Variants in TBL1X observed in about 807,000 individuals in gnomAD.
The protein encoded by TBL1X is transducin beta like 1 X-linked, also known as F-box-like/WD repeat-containing protein TBL1X.
Under a neutral mutation model 50.7 loss-of-function variants are expected in TBL1X, and 10 were observed. The observed-to-expected ratio is 0.20, with a 90% CI of 0.12 to 0.33. The LOEUF (loss-of-function observed/expected upper bound fraction) is 0.33, where lower values mean the gene tolerates loss of function less well. TBL1X is among the 10% of genes least tolerant of loss of function. The pLI is 1.00. For missense variants in TBL1X, 340 were observed against 504.4 expected (o/e 0.67, Z 3.12); for synonymous variants, 190 against 214.7 (o/e 0.88, Z 1.01).
At chrX:9,527,446 G>A (rs1188339692) in intron 2 of TBL1X, among the ~76,000 whole-genome samples, 2 of 110,672 alleles carry the variant, frequency 1.8e-5, no homozygotes, top group Admixed American at 1.9e-4. Context: ...CTAAATGTGC[G>A]TTAAAAAAAA....
At chrX:9,607,665 C>T (rs189079403) in intron 2 of TBL1X, among the ~76,000 whole-genome samples, 1 of 112,955 alleles carries the variant, frequency 8.9e-6, no homozygotes, top group East Asian at 2.8e-4. Context: ...GGAGAGTTCT[C>T]ACCTTCCCTG....
chrX:9,532,427 C>T (rs1227610073), intron 2 of TBL1X, among the ~76,000 whole-genome samples: 1 of 111,700 alleles, frequency 9.0e-6, no homozygotes, highest in Non-Finnish European at 1.9e-5. Context: ...AGGGTTGGGA[C>T]GTAGCGGTTA....
chrX:9,529,026 CTGAT>C (rs1344131049), intron 2 of TBL1X, among the ~76,000 whole-genome samples: 1 of 111,818 alleles, frequency 8.9e-6, no homozygotes, highest in Non-Finnish European at 1.9e-5. Context: ...GAAAAGTTTT[CTGAT>C]TTTTTTTTTC....
intron 2 of TBL1X, among the ~76,000 whole-genome samples, chrX:9,628,029 A>G (rs1333317515): frequency 8.9e-6 from 1 of 112,763 alleles, no homozygotes; most frequent in African/African-American, 3.2e-5. Flanking sequence ...AAAACAGTTG[A>G]TATGTGGTTC....
intron 1 of TBL1X, among the ~76,000 whole-genome samples, chrX:9,497,628 T>G (rs2081977553): frequency 9.1e-6 from 1 of 109,705 alleles, no homozygotes; most frequent in African/African-American, 3.3e-5. Flanking sequence ...CATTTCAAAC[T>G]TTCTCTTCAT....
chrX:9,618,756 GTA>G (rs1227299752), intron 2 of TBL1X, among the ~76,000 whole-genome samples: 8 of 112,514 alleles, frequency 7.1e-5, no homozygotes, highest in African/African-American at 2.6e-4. Flanking sequence ...CTTCGTAGAT[GTA>G]TCTCACTTTG....
intron 2 of TBL1X, among the ~76,000 whole-genome samples, chrX:9,510,516 A>G (rs1347899612): frequency 1.1e-5 from 1 of 87,143 alleles, no homozygotes. Flanking sequence ...ACTGTGGCCC[A>G]CGGGGCCGTG....
intron 2 of TBL1X, among the ~76,000 whole-genome samples, chrX:9,570,946 G>C (rs2082382762): frequency 9.0e-6 from 1 of 111,441 alleles, no homozygotes; most frequent in Non-Finnish European, 1.9e-5. Context: ...CAAAGTGCTC[G>C]GATTACAGGC....
intron 1 of TBL1X, among the ~76,000 whole-genome samples, chrX:9,479,562 C>G (rs886444692): frequency 1.8e-5 from 2 of 112,480 alleles, no homozygotes; most frequent in Non-Finnish European, 3.8e-5. Context: ...AAAATAAGGA[C>G]AGTTTAAAGA....
At chrX:9,571,153 A>C (rs980450136) in intron 2 of TBL1X, among the ~76,000 whole-genome samples, 1 of 111,449 alleles carries the variant, frequency 9.0e-6, no homozygotes, top group Non-Finnish European at 1.9e-5. Flanking sequence ...CAGGAAACTC[A>C]GTTTCTGGGG....
chrX:9,606,256 C>T (rs773703871), intron 2 of TBL1X, among the ~76,000 whole-genome samples: 20 of 111,950 alleles, frequency 1.8e-4, no homozygotes, highest in Admixed American at 2.8e-4. Flanking sequence ...GGGGACCGAC[C>T]GTCTGAGAAG....
At chrX:9,559,180 C>T (rs1382515519) in intron 2 of TBL1X, among the ~76,000 whole-genome samples, 3 of 112,033 alleles carry the variant, frequency 2.7e-5, no homozygotes, top group South Asian at 7.4e-4. Flanking sequence ...AGGTTGTATC[C>T]GACTGCGAAC....
intron 2 of TBL1X, among the ~76,000 whole-genome samples, chrX:9,546,122 A>G (rs1312200036): frequency 1.8e-5 from 2 of 111,948 alleles, no homozygotes; most frequent in East Asian, 5.6e-4. Flanking sequence ...AATCTGTGCT[A>G]TGATACAGTG....
chrX:9,531,383 G>A (rs2082160155), intron 2 of TBL1X, among the ~76,000 whole-genome samples: 1 of 107,027 alleles, frequency 9.3e-6, no homozygotes, highest in Non-Finnish European at 1.9e-5. Context: ...GTGTGTGTGT[G>A]TGTGTGTGTG....
At chrX:9,481,921 C>T (rs1035210659) in intron 1 of TBL1X, among the ~76,000 whole-genome samples, 8 of 112,115 alleles carry the variant, frequency 7.1e-5, no homozygotes, top group African/African-American at 2.3e-4. Context: ...TGCAAACACT[C>T]GGGCCAGGTA....
At position 9,657,380 on chromosome X, in the gene TBL1X, G is replaced by A. The variant is rs940431619; in HGVS notation, c.211+3058G>A. Among the ~76,000 whole-genome samples, 4 of 112,239 alleles carry A rather than the reference G, an allele frequency of 3.6e-5. No individual in the cohort carries two copies. The South Asian group carries it at 1.5e-3, about 42-fold the overall frequency. On this transcript the variant is annotated intron_variant, in intron 5 of 17. Transcript: ENST00000645353. ...CCCAGCAGACCAGGTTGCCGCTCCT[G>A]TCCATCCATTCATCTCCTTCACCAG... is the stretch of plus-strand genomic sequence containing the variant.
chrX:9,674,624 C>T (rs2082980311), intron 5 of TBL1X, among the ~76,000 whole-genome samples: 1 of 88,884 alleles, frequency 1.1e-5, no homozygotes, highest in African/African-American at 4.5e-5. Context: ...TGCAGTGGCA[C>T]AATCATGGCT....
At chrX:9,660,175 A>G (rs1203364475) in intron 5 of TBL1X, among the ~76,000 whole-genome samples, 5 of 112,874 alleles carry the variant, frequency 4.4e-5, no homozygotes, top group Admixed American at 9.3e-5. Context: ...ATTTGCCCAC[A>G]TACCCATGGT....
At chrX:9,486,728 T>C (rs1364584642) in intron 1 of TBL1X, among the ~76,000 whole-genome samples, 1 of 111,018 alleles carries the variant, frequency 9.0e-6, no homozygotes, top group Non-Finnish European at 1.9e-5. Flanking sequence ...CTTGGGTACA[T>C]GTTCTCAGGA....
Sources: gnomAD v4.1 joint callset for allele counts (sites outside exome capture counted in the v4.1 genomes callset) on GRCh38, gnomAD v4.1.1 for gene constraint, MANE v1.5 for transcripts, NCBI Gene and HGNC (gene_info 2026-07-23, HGNC 2026-07-21) for gene names.